The following DTD1 variants were observed in gnomAD, a reference collection of about 807,000 sequenced individuals.
DTD1 encodes the protein D-aminoacyl-tRNA deacylase 1.
DTD1 carries 13 observed loss-of-function variants against 25.6 expected under a neutral mutation model. The ratio of observed to expected loss-of-function variants is 0.51; its 90% confidence interval spans 0.33 to 0.81. The LOEUF (loss-of-function observed/expected upper bound fraction) is 0.81. Ranked by LOEUF, DTD1 falls within the 30% of genes least tolerant of loss-of-function variation. The probability of loss-of-function intolerance (pLI) is 0.02; values close to 1 mark genes in which losing one functional copy is unlikely to be tolerated. For missense variants in DTD1, 193 were observed against 266.4 expected (o/e 0.72, Z 1.92); for synonymous variants, 110 against 103.6 (o/e 1.06, Z -0.37).
rs571795940 is a variant in DTD1 at position 18,702,197 on chromosome 20, A to C, written c.478-41903A>C. The stretch of plus-strand genomic sequence containing the variant: ...GGCCAAGACAGAGGGAAGGACTGAT[A>C]ATCTTTTCAAACCAAGAAAGATTTT... On this transcript the variant is annotated intron_variant, in intron 4 of 5. Transcript: ENST00000377452. Among the ~76,000 whole-genome samples the C allele has an allele frequency of 2.0e-5, 3 of 152,334 alleles. No individual in the cohort carries two copies. In the East Asian group the frequency reaches 5.8e-4, roughly 29 times the overall value.
At chr20:18,651,709 A>ATTT (rs1278332570) in intron 4 of DTD1, among the ~76,000 whole-genome samples, 3 of 152,224 alleles carry the variant, frequency 2.0e-5, no homozygotes, top group Non-Finnish European at 1.5e-5. Flanking sequence ...TGGTCTGAGC[A>ATTT]TCAAGACTTT....
intron 4 of DTD1, among the ~76,000 whole-genome samples, chr20:18,691,462 A>C (rs1264525458): frequency 6.6e-6 from 1 of 152,248 alleles, no homozygotes; most frequent in Non-Finnish European, 1.5e-5. Context: ...TGTCCTTTGC[A>C]GCAACATGGA....
intron 4 of DTD1, among the ~76,000 whole-genome samples, chr20:18,732,965 T>G (rs1168050835): frequency 6.6e-6 from 1 of 152,198 alleles, no homozygotes; most frequent in African/African-American, 2.4e-5. Context: ...CGAATTCTCA[T>G]GTTAACATGT....
Position 18,749,593 on chromosome 20 carries a change from C to T in DTD1, c.*19+5322C>T, listed in dbSNP as rs1463640656. ...ACTTGCAGGGGTCTGTCATTAATGA[C>T]ACCTGAGACTGAGTGAGATATGCTG... On this transcript the variant is annotated intron_variant, in intron 5 of 5. Transcript: ENST00000377452. This position sits in a 1 kb window ranked among gnomAD's most constrained non-coding sequence, Gnocchi z 4.2. Among the ~76,000 whole-genome samples the T allele has an allele frequency of 3.3e-5, 5 of 152,292 alleles. No individual in the cohort carries two copies. The highest frequency in any genetic ancestry group is 4.1e-4 in the South Asian group (2 of 4,822).
At position 18,675,909 on chromosome 20, in the gene DTD1, T is replaced by C. The variant is rs148593178; in HGVS notation, c.477+47676T>C. On this transcript the variant is annotated intron_variant, in intron 4 of 5. Transcript: ENST00000377452. ...ACGAAATGGGATCACAACATACTGA[T>C]TTATAACCTAAGTTTTTTATTCCTA... Among the ~76,000 whole-genome samples the C allele has an allele frequency of 1.5e-3, 224 of 151,770 alleles. 8 individuals carry two copies. The highest frequency in any genetic ancestry group is 0.013 in the Admixed American group (188 of 15,038).
rs1411429606 is a variant in DTD1, at chr20:18,591,631, C to A, written c.44-2100C>A. Among the ~76,000 whole-genome samples, 3 of 151,786 alleles carry A rather than the reference C, an allele frequency of 2.0e-5. No homozygotes were observed. The East Asian group carries it at 5.8e-4, about 29-fold the overall frequency. ...AAGTACTTACCTTTGTTCTTTTTTT[C>A]ATGTTTCTCATATTTTCTAAAATAT... is the stretch of plus-strand genomic sequence containing the variant. On this transcript the variant is annotated intron_variant, in intron 1 of 5. Transcript: ENST00000377452.
At chr20:18,734,818 G>A (rs1456195056) in intron 4 of DTD1, among the ~76,000 whole-genome samples, 1 of 152,206 alleles carries the variant, frequency 6.6e-6, no homozygotes, top group Non-Finnish European at 1.5e-5. Flanking sequence ...AAAGGACAGT[G>A]AGCATTGTGG....
At chr20:18,670,164 T>G (rs1458540148) in intron 4 of DTD1, among the ~76,000 whole-genome samples, 2 of 152,186 alleles carry the variant, frequency 1.3e-5, no homozygotes, top group African/African-American at 4.8e-5. Flanking sequence ...TCTTCAAATG[T>G]AAGTCATTTT....
At chr20:18,653,170 G>A (rs1255052338) in intron 4 of DTD1, among the ~76,000 whole-genome samples, 1 of 152,194 alleles carries the variant, frequency 6.6e-6, no homozygotes, top group Admixed American at 6.5e-5. Context: ...GGGAAGCTGA[G>A]GTGGGCATAT....
rs190596160 is a variant in DTD1, at chr20:18,725,341, G to A, written c.478-18759G>A. On this transcript the variant is annotated intron_variant, in intron 4 of 5. Coordinates refer to ENST00000377452, the MANE Select transcript of DTD1 (RefSeq NM_080820.6). ...GGAAAGCTGCTTCCACCTGAACCCTGTTTTAGCTAGTCCTCAGTTTGGTCC... is the reference window on the plus strand; with the variant it reads ...GGAAAGCTGCTTCCACCTGAACCCTATTTTAGCTAGTCCTCAGTTTGGTCC... Among the ~76,000 whole-genome samples, 50 of 152,294 alleles carry A rather than the reference G, an allele frequency of 3.3e-4. 1 individual carries two copies. Among genetic ancestry groups the A allele is most frequent in the African/African-American group, 1.2e-3 (50 of 41,560 alleles).
At chr20:18,682,210 C>T (rs1343748384) in intron 4 of DTD1, among the ~76,000 whole-genome samples, 2 of 152,224 alleles carry the variant, frequency 1.3e-5, no homozygotes, top group East Asian at 3.8e-4. Flanking sequence ...ATATGCTCAT[C>T]TCCTCCCATT....
chr20:18,620,766 A>AT (rs2060730821), intron 3 of DTD1, among the ~76,000 whole-genome samples: 1 of 151,662 alleles, frequency 6.6e-6, no homozygotes, highest in Admixed American at 6.6e-5. Flanking sequence ...ATTTAAAGAA[A>AT]TTTTTTTTAA....
At chr20:18,617,483 A>T (rs990665740) in intron 3 of DTD1, among the ~76,000 whole-genome samples, 1 of 151,990 alleles carries the variant, frequency 6.6e-6, no homozygotes, top group Non-Finnish European at 1.5e-5. Context: ...GTACTTACAC[A>T]GTACCATACT....
chr20:18,601,571 A>T (rs148791597), intron 3 of DTD1, among the ~76,000 whole-genome samples: 10,352 of 150,454 alleles, frequency 0.069, 588 homozygotes, highest in East Asian at 0.26. Context: ...ACGCAGCTGG[A>T]GATCTGAGAA....
intron 4 of DTD1, among the ~76,000 whole-genome samples, chr20:18,635,156 G>T (rs2122326328): frequency 6.6e-6 from 1 of 152,294 alleles, no homozygotes; most frequent in Non-Finnish European, 1.5e-5. Flanking sequence ...TTAAAGTCTG[G>T]TTGCCAAGAT....
chr20:18,596,629 G>A (rs1303457926), intron 3 of DTD1, among the ~76,000 whole-genome samples: 1 of 151,922 alleles, frequency 6.6e-6, no homozygotes, highest in African/African-American at 2.4e-5. Context: ...AAAGAAATAG[G>A]TGAAATTAAT....
At chr20:18,685,232 C>CT (rs1376586178) in intron 4 of DTD1, among the ~76,000 whole-genome samples, 3 of 152,130 alleles carry the variant, frequency 2.0e-5, no homozygotes, top group African/African-American at 4.8e-5. Context: ...AAGAGGAAGG[C>CT]TAGAAGGCTC....
intron 4 of DTD1, among the ~76,000 whole-genome samples, chr20:18,685,395 T>A (rs2061012511): frequency 1.3e-5 from 2 of 152,232 alleles, no homozygotes; most frequent in Non-Finnish European, 2.9e-5. Context: ...GCCAGTTGGC[T>A]GCACATGACG....
At chr20:18,716,075 G>A (rs2061179460) in intron 4 of DTD1, among the ~76,000 whole-genome samples, 5 of 152,092 alleles carry the variant, frequency 3.3e-5, no homozygotes, top group Admixed American at 3.3e-4. Flanking sequence ...CTGCTTTTCA[G>A]GCATTTGGAT....
Sources: gnomAD v4.1 joint callset for allele counts (sites outside exome capture counted in the v4.1 genomes callset) on GRCh38, gnomAD v4.1.1 for gene constraint, Gnocchi (gnomAD v3.1) non-coding constraint, MANE v1.5 for transcripts, NCBI Gene and HGNC (gene_info 2026-07-23, HGNC 2026-07-21) for gene names.